The following SPATA31F1 variants were observed in gnomAD, a reference collection of about 807,000 sequenced individuals.
SPATA31F1 encodes the protein protein SPATA31F1.
chr9:34,728,116 G>A, the SPATA31F1 span: 2 of 1,543,858 alleles, frequency 1.3e-6, no homozygotes, highest in Non-Finnish European at 1.8e-6. Context: ...ATATGGCATG[G>A]GATAATTTCA....
chr9:34,728,750 T>C, the SPATA31F1 span: 1 of 1,126,276 alleles, frequency 8.9e-7, no homozygotes, highest in South Asian at 1.4e-5. Flanking sequence ...TTCACTCGCT[T>C]TGTATATATC....
the SPATA31F1 span, chr9:34,726,336 A>AT: frequency 6.5e-7 from 1 of 1,545,246 alleles, no homozygotes; most frequent in Non-Finnish European, 8.7e-7. Flanking sequence ...AAATGCATCC[A>AT]TTTTTTAACA....
At chr9:34,729,170 G>T in the SPATA31F1 span, 1 of 1,243,904 alleles carries the variant, frequency 8.0e-7, no homozygotes, top group South Asian at 1.7e-5. Flanking sequence ...TTACACAAAG[G>T]TAACTGAAAG....
the SPATA31F1 span, chr9:34,723,657 C>A: frequency 1.3e-6 from 2 of 1,551,660 alleles, no homozygotes; most frequent in Non-Finnish European, 8.7e-7. Context: ...ACTGGCATCA[C>A]CAGCCCATGC....
At chr9:34,728,170 A>C in the SPATA31F1 span, 14 of 1,234,830 alleles carry the variant, frequency 1.1e-5, no homozygotes, top group Non-Finnish European at 1.6e-5. Context: ...TTTGACTCTC[A>C]TCAAGAAAAG....
chr9:34,723,445 C>T, the SPATA31F1 span: 3 of 1,551,784 alleles, frequency 1.9e-6, no homozygotes, highest in African/African-American at 1.4e-5. Flanking sequence ...GCTTCTCCGT[C>T]TTACTTCTCC....
At chr9:34,726,755 T>C in the SPATA31F1 span, 4 of 1,551,606 alleles carry the variant, frequency 2.6e-6, no homozygotes, top group South Asian at 4.8e-5. Flanking sequence ...CAGTGAAAGC[T>C]CTCTGGTGTG....
the SPATA31F1 span, chr9:34,726,969 C>G: frequency 6.5e-7 from 1 of 1,547,840 alleles, no homozygotes; most frequent in Non-Finnish European, 8.7e-7. Flanking sequence ...ACACTTCTCT[C>G]CAGAGGAAGC....
chr9:34,727,053 C>A, the SPATA31F1 span: 2 of 1,499,258 alleles, frequency 1.3e-6, no homozygotes, highest in Non-Finnish European at 1.8e-6. Flanking sequence ...AGAGTGTGGG[C>A]TGGAGTGGGC....
chr9:34,729,465 T>C, the SPATA31F1 span: 3 of 1,524,880 alleles, frequency 2.0e-6, no homozygotes, highest in East Asian at 7.4e-5. Context: ...ACCATCCCTC[T>C]ATCTCGGAAT....
chr9:34,724,206 C>T, the SPATA31F1 span: 5 of 1,551,484 alleles, frequency 3.2e-6, no homozygotes, highest in Non-Finnish European at 1.7e-6. Context: ...TTGGCCTCTA[C>T]CTGAACACAA....
At chr9:34,723,825 G>T in the SPATA31F1 span, 1 of 1,551,728 alleles carries the variant, frequency 6.4e-7, no homozygotes, top group Admixed American at 2.0e-5. Context: ...TGACTGTCTT[G>T]CAGGTCCTTC....
the SPATA31F1 span, chr9:34,726,436 C>T: frequency 2.6e-6 from 4 of 1,551,048 alleles, no homozygotes; most frequent in Non-Finnish European, 3.5e-6. Flanking sequence ...GCATCCGGTT[C>T]AGGGTTTCTG....
At chr9:34,725,763 G>A in the SPATA31F1 span, 1 of 1,549,838 alleles carries the variant, frequency 6.5e-7, no homozygotes, top group South Asian at 1.2e-5. Context: ...GGGGAAAGTG[G>A]GGAAGAGGGT....
chr9:34,725,887 A>G, the SPATA31F1 span: 1 of 1,552,158 alleles, frequency 6.4e-7, no homozygotes, highest in Non-Finnish European at 8.7e-7. Flanking sequence ...GGAGGCCTTG[A>G]GATCCCATGA....
chr9:34,726,654 C>T, the SPATA31F1 span: 5 of 1,551,836 alleles, frequency 3.2e-6, no homozygotes, highest in South Asian at 5.9e-5. Flanking sequence ...GCCCAGTAAT[C>T]TTGTATGCCA....
At chr9:34,728,339 G>A in the SPATA31F1 span, among the ~76,000 whole-genome samples, 3 of 152,328 alleles carry the variant, frequency 2.0e-5, no homozygotes, top group East Asian at 5.8e-4. Flanking sequence ...AATGAGAGAT[G>A]AAATGACTTC....
the SPATA31F1 span, among the ~76,000 whole-genome samples, chr9:34,727,742 T>C: frequency 6.6e-6 from 1 of 152,228 alleles, no homozygotes; most frequent in Non-Finnish European, 1.5e-5. Context: ...CATGGCTGAG[T>C]GCAGCTCCAT....
At chr9:34,723,369 C>A in the SPATA31F1 span, 2 of 1,551,694 alleles carry the variant, frequency 1.3e-6, no homozygotes, top group Non-Finnish European at 8.7e-7. Flanking sequence ...GATTGGGGAC[C>A]ATCCAAGAAG....
Sources: allele counts gnomAD v4.1 joint callset (sites outside exome capture counted in the v4.1 genomes callset), GRCh38; gene constraint gnomAD v4.1.1; transcripts MANE v1.5; gene names NCBI Gene and HGNC (gene_info 2026-07-23, HGNC 2026-07-21).